Variants in WDR7 observed in about 807,000 individuals in gnomAD.
The protein encoded by WDR7 is WD repeat-containing protein 7.
WDR7 carries 46 observed loss-of-function variants against 169.4 expected under a neutral mutation model. That is an observed-to-expected ratio of 0.27 (90% CI 0.21 to 0.35). The LOEUF is 0.35. WDR7 is among the 10% of genes least tolerant of loss of function. The probability of loss-of-function intolerance (pLI) is 1.00; values close to 1 mark genes in which losing one functional copy is unlikely to be tolerated. For missense variants in WDR7, 1,534 were observed against 1,859.3 expected, an observed-to-expected ratio of 0.83 and a Z score of 3.22; for synonymous variants, 612 against 666.8, an observed-to-expected ratio of 0.92 and a Z score of 1.27.
At chr18:56,767,516 C>T (rs2044086146) in intron 16 of WDR7, among the ~76,000 whole-genome samples, 1 of 152,194 alleles carries the variant, frequency 6.6e-6, no homozygotes, top group Non-Finnish European at 1.5e-5. Flanking sequence ...TCCCATCTCT[C>T]AGTCCTTCAT....
intron 16 of WDR7, among the ~76,000 whole-genome samples, chr18:56,772,184 TAAAA>T (rs1167009275): frequency 6.6e-6 from 1 of 151,628 alleles, no homozygotes. Context: ...CTCATAGTCT[TAAAA>T]AAATTACTAT....
chr18:56,661,331 G>A (rs2024900514), intron 1 of WDR7, among the ~76,000 whole-genome samples: 1 of 152,184 alleles, frequency 6.6e-6, no homozygotes, highest in Non-Finnish European at 1.5e-5. Flanking sequence ...TGAAATTGCT[G>A]TAGGTTGGTG....
At chr18:56,774,932 C>A (rs1184038030) in intron 16 of WDR7, among the ~76,000 whole-genome samples, 1 of 151,826 alleles carries the variant, frequency 6.6e-6, no homozygotes, top group Admixed American at 6.6e-5. Context: ...AATATGACTT[C>A]AAAAATACAA....
intron 19 of WDR7, among the ~76,000 whole-genome samples, chr18:56,801,649 T>C (rs1000523304): frequency 5.9e-5 from 9 of 152,184 alleles, no homozygotes; most frequent in African/African-American, 1.9e-4. Flanking sequence ...ACTCATCTGT[T>C]TTCCATCCTT....
At chr18:56,877,293 A>C (rs2046036652) in intron 20 of WDR7, among the ~76,000 whole-genome samples, 1 of 152,154 alleles carries the variant, frequency 6.6e-6, no homozygotes, top group African/African-American at 2.4e-5. Flanking sequence ...AGTCAAACTA[A>C]ATAAGGAGCT....
chr18:56,781,428 T>G (rs2145071731), intron 18 of WDR7, 105 bp from the exon 19 acceptor site: 1 of 1,236,432 alleles, frequency 8.1e-7, no homozygotes, highest in East Asian at 2.9e-5. Context: ...TAAATATGGT[T>G]TTTATGTTTT....
rs77086792 is a variant in WDR7 at position 56,935,808 on chromosome 18, T to C, written c.3734T>C (p.Leu1245Pro). The change falls in exon 23 of 28, where the codon CTG becomes CCG. Residue 1245 changes from leucine to proline, a missense_variant. Leu to Pro is a moderately conservative substitution (Grantham distance 98). Transcript: ENST00000254442. ...TTTAGCATCACAATGGGGTTGCCTCTGAGCCCAGCAGCTGACTCGGCCCGC... is the reference window on the plus strand; with the variant it reads ...TTTAGCATCACAATGGGGTTGCCTCCGAGCCCAGCAGCTGACTCGGCCCGC... The part of the protein sequence containing the change: ...QLANITMGLP[L>P]SPAADSARSA... 6.2e-7 allele frequency: 1 copy of C among 1,614,206 alleles called. No individual in the cohort carries two copies. Among genetic ancestry groups the C allele is most frequent in the African/African-American group, 1.3e-5 (1 of 75,060 alleles).
At chr18:56,945,164 C>A (rs764466693) in intron 25 of WDR7, among the ~76,000 whole-genome samples, 3 of 152,042 alleles carry the variant, frequency 2.0e-5, no homozygotes, top group African/African-American at 7.3e-5. Context: ...GAAATTGAGG[C>A]AAAGGAAGAA....
rs2048229318 is a variant in WDR7 at position 57,017,867 on chromosome 18, T to C, written c.4165-2878T>C. 4.6e-5 allele frequency among the ~76,000 whole-genome samples: 7 copies of C among 152,330 alleles called. No individual in the cohort carries two copies. In the South Asian group the frequency reaches 1.5e-3, roughly 32 times the overall value. On this transcript the variant is annotated intron_variant, in intron 26 of 27. Coordinates refer to ENST00000254442, the MANE Select transcript of WDR7 (RefSeq NM_015285.3). ...GAGACACTTAAATAACAATGATCAG[T>C]GTCTTCAGCTGAAATAGAAGTACCC...
chr18:56,874,942 C>T (rs2046003432), intron 20 of WDR7, among the ~76,000 whole-genome samples: 1 of 152,142 alleles, frequency 6.6e-6, no homozygotes. Context: ...TTTTCCCTTA[C>T]ATACGTTAAG....
intron 26 of WDR7, among the ~76,000 whole-genome samples, chr18:56,992,103 AT>A (rs544846868): frequency 3.5e-4 from 54 of 152,256 alleles, no homozygotes; most frequent in Non-Finnish European, 5.4e-4. Flanking sequence ...AGCTAATCAA[AT>A]AACAACTTCC....
chr18:56,939,049 T>A (rs181883791), intron 24 of WDR7, among the ~76,000 whole-genome samples: 136 of 152,320 alleles, frequency 8.9e-4, no homozygotes, highest in African/African-American at 3.2e-3. Context: ...TAATGTATTA[T>A]GTACATAAAT....
At chr18:56,761,740 G>T (rs1241135821) in intron 16 of WDR7, among the ~76,000 whole-genome samples, 1 of 151,462 alleles carries the variant, frequency 6.6e-6, no homozygotes, top group Non-Finnish European at 1.5e-5. Flanking sequence ...ATTGGATTTG[G>T]ATATTAGATT....
intron 19 of WDR7, among the ~76,000 whole-genome samples, chr18:56,801,172 A>G (rs1488572718): frequency 6.6e-6 from 1 of 152,198 alleles, no homozygotes; most frequent in African/African-American, 2.4e-5. Flanking sequence ...ATTATCTACA[A>G]TATTTACTTA....
intron 20 of WDR7, among the ~76,000 whole-genome samples, chr18:56,818,386 C>G (rs2045021674): frequency 6.6e-6 from 1 of 152,108 alleles, no homozygotes. Context: ...ACTAAGAATG[C>G]AAATCTAATT....
intron 27 of WDR7, among the ~76,000 whole-genome samples, chr18:57,021,653 G>T (rs1458102116): frequency 6.6e-6 from 1 of 152,118 alleles, no homozygotes; most frequent in Non-Finnish European, 1.5e-5. Flanking sequence ...GATCCTCACT[G>T]CTTAATTTCT....
At chr18:56,817,580 C>T (rs892931835) in intron 20 of WDR7, among the ~76,000 whole-genome samples, 1 of 151,946 alleles carries the variant, frequency 6.6e-6, no homozygotes, top group South Asian at 2.1e-4. Flanking sequence ...ATGATGGTGG[C>T]TATTACTTTT....
At position 56,925,614 on chromosome 18, in the gene WDR7, C is replaced by T. The variant is rs367810539; in HGVS notation, c.3713+1506C>T. ...TCTTAGCCCTTTGCTTTGCCATTCCCTTAAGTTCTGGCATGCTTTGGGTCC... is the reference window on the plus strand; with the variant it reads ...TCTTAGCCCTTTGCTTTGCCATTCCTTTAAGTTCTGGCATGCTTTGGGTCC... On this transcript the variant is annotated intron_variant, in intron 22 of 27. Transcript: ENST00000254442. 6.6e-4 allele frequency among the ~76,000 whole-genome samples: 100 copies of T among 152,172 alleles called. 2 individuals carry two copies. Among genetic ancestry groups the T allele is most frequent in the Middle Eastern group, 6.8e-3 (2 of 294 alleles).
intron 21 of WDR7, among the ~76,000 whole-genome samples, chr18:56,893,606 T>C (rs2046293934): frequency 6.6e-6 from 1 of 152,154 alleles, no homozygotes; most frequent in Non-Finnish European, 1.5e-5. Context: ...TAGGTGCTCA[T>C]GGACTTCTTG....
Sources: gnomAD v4.1 joint callset for allele counts (sites outside exome capture counted in the v4.1 genomes callset) on GRCh38, gnomAD v4.1.1 for gene constraint, MANE v1.5 for transcripts, NCBI Gene and HGNC (gene_info 2026-07-23, HGNC 2026-07-21) for gene names.